SVOPL: variants seen among roughly 807,000 people sequenced by gnomAD.
SVOPL encodes SVOP like.
SVOPL carries 60 observed loss-of-function variants against 61.0 expected under a neutral mutation model. The ratio of observed to expected loss-of-function variants is 0.98; its 90% CI spans 0.80 to 1.22. SVOPL has a LOEUF of 1.22. SVOPL is among the 50% of genes most tolerant of loss of function. The probability of loss-of-function intolerance (pLI) is 0.00; values close to 1 mark genes in which losing one functional copy is unlikely to be tolerated. For synonymous variants in SVOPL, 279 were observed against 250.0 expected, an observed-to-expected ratio of 1.12 and a Z score of -1.09; for missense variants, 662 against 643.9, an observed-to-expected ratio of 1.03 and a Z score of -0.30.
chr7:138,644,499 T>C (rs1800993267), intron 9 of SVOPL, among the ~76,000 whole-genome samples: 1 of 152,202 alleles, frequency 6.6e-6, no homozygotes, highest in Non-Finnish European at 1.5e-5. Context: ...GTGTTATTAT[T>C]CCCATTTTAT....
chr7:138,690,092 C>G (rs1213371350), intron 1 of SVOPL, among the ~76,000 whole-genome samples: 1 of 152,098 alleles, frequency 6.6e-6, no homozygotes, highest in Non-Finnish European at 1.5e-5. Flanking sequence ...TCCCTCCCAG[C>G]CTCAGAAAGA....
chr7:138,634,825 C>T (rs1377955065), intron 9 of SVOPL, among the ~76,000 whole-genome samples: 3 of 151,350 alleles, frequency 2.0e-5, no homozygotes, highest in Admixed American at 2.0e-4. Context: ...AATAGCCAGG[C>T]ATGGTGGCAT....
intron 5 of SVOPL, chr7:138,662,467 C>G (rs1802042715): frequency 2.0e-6 from 2 of 985,322 alleles, no homozygotes; most frequent in South Asian, 9.4e-5. Context: ...TATGGACACT[C>G]ACTCATGACA....
In SVOPL at chr7:138,628,196, T is replaced by G. The variant is rs1376465639; in HGVS notation, c.1031A>C (p.Tyr344Ser). The G allele has an allele frequency of 1.2e-6, 2 of 1,614,164 alleles. No individual in the cohort carries two copies. Among genetic ancestry groups the G allele is most frequent in the East Asian group, 4.5e-5 (2 of 44,880 alleles). The change falls in exon 11 of 16, where the codon TAT becomes TCT. Residue 344 changes from tyrosine to serine, a missense_variant. Coordinates refer to ENST00000674285, the MANE Select transcript of SVOPL (RefSeq NM_001139456.2). The part of the protein sequence containing the change: ...CYCHMFAPSD[Y>S]RTMIISTIGE... ...GATGGTGCTGATGATCATGGTCCGA[T>G]AGTCAGAGGGTGCAAACATGTGGCA...
At position 138,628,163 on chromosome 7, in the gene SVOPL, A is replaced by G. The variant is rs760681001; in HGVS notation, c.1064T>C (p.Ile355Thr). Residue 355 changes from isoleucine to threonine, a missense_variant, in exon 11 of 16, where the codon ATT (isoleucine) becomes ACT (threonine). By Grantham distance (89) the Ile-to-Thr change is moderately conservative (BLOSUM62 -1). Coordinates refer to ENST00000674285, the MANE Select transcript of SVOPL (RefSeq NM_001139456.2). ...ACACGCAGAGGGACACTTACAAGCA[A>G]TTTCACCGATGGTGCTGATGATCAT... ...RTMIISTIGE[I>T]ALNPLNILGI... 1 of 1,614,130 alleles carries G rather than the reference A, an allele frequency of 6.2e-7. No individual in the cohort carries two copies. Among genetic ancestry groups the G allele is most frequent in the Non-Finnish European group, 8.5e-7 (1 of 1,180,012 alleles).
At position 138,663,640 on chromosome 7, in the gene SVOPL, G is replaced by A. The variant is rs534101661; in HGVS notation, c.274-495C>T. Reference sequence around the variant, plus strand: ...ATACACCTACTTCTTTTCCTTACTCGTTCTCACAATGGCCTGTCCTCCCCT... The same window carrying A: ...ATACACCTACTTCTTTTCCTTACTCATTCTCACAATGGCCTGTCCTCCCCT... On this transcript the variant is annotated intron_variant, in intron 4 of 15. Coordinates refer to ENST00000674285, the MANE Select transcript of SVOPL (RefSeq NM_001139456.2). 5.1e-6 allele frequency: 5 copies of A among 973,360 alleles called. No individual in the cohort carries two copies. The African/African-American group carries it at 7.0e-5, about 14-fold the overall frequency. The allele number at this position is 973,360 out of a possible 1,614,324, so 60.3% of individuals were successfully genotyped here.
intron 5 of SVOPL, chr7:138,661,639 A>G: frequency 1.0e-6 from 1 of 976,804 alleles, no homozygotes; most frequent in Non-Finnish European, 1.2e-6. Flanking sequence ...ATTTTGTGAC[A>G]CCAAGAAAGA....
intron 1 of SVOPL, among the ~76,000 whole-genome samples, chr7:138,697,438 C>CA (rs573800641): frequency 6.6e-6 from 1 of 151,350 alleles, no homozygotes; most frequent in Non-Finnish European, 1.5e-5. Context: ...CTGGTCTCTA[C>CA]AAAAAAAGTT....
intron 14 of SVOPL, among the ~76,000 whole-genome samples, chr7:138,618,531 G>A (rs988423256): frequency 1.3e-5 from 2 of 152,078 alleles, no homozygotes; most frequent in Non-Finnish European, 2.9e-5. Flanking sequence ...AGCGGTGGTG[G>A]GTGCCTGTAA....
chr7:138,688,792 C>A (rs1475993725), intron 1 of SVOPL, among the ~76,000 whole-genome samples: 2 of 152,064 alleles, frequency 1.3e-5, no homozygotes, highest in East Asian at 3.9e-4. Flanking sequence ...CTAGGTATAA[C>A]CTCAGGAGAA....
At chr7:138,695,441 G>C (rs975514423) in intron 1 of SVOPL, among the ~76,000 whole-genome samples, 1 of 152,182 alleles carries the variant, frequency 6.6e-6, no homozygotes, top group Non-Finnish European at 1.5e-5. Flanking sequence ...GAGCCTGGGA[G>C]GTTGAAGCTG....
chr7:138,646,788 G>T (rs4732324), intron 8 of SVOPL, among the ~76,000 whole-genome samples: 26,090 of 152,072 alleles, frequency 0.17, 3,709 homozygotes, highest in African/African-American at 0.37. Flanking sequence ...TAAAGTGCTG[G>T]GATTACAAAC....
chr7:138,673,455 G>C (rs932434542), intron 3 of SVOPL, among the ~76,000 whole-genome samples: 3 of 152,066 alleles, frequency 2.0e-5, no homozygotes, highest in Admixed American at 1.3e-4. Context: ...CCAGGAGTTC[G>C]AGACCAGCCT....
rs1798322107 is a variant in SVOPL at position 138,597,328 on chromosome 7, G to T, written c.1354-798C>A. The T allele has an allele frequency of 5.4e-6, 5 of 917,908 alleles. No homozygotes were observed. The South Asian group carries it at 7.9e-5, about 15-fold the overall frequency. 56.9% of individuals were successfully genotyped at this position (917,908 alleles called of 1,614,324 possible). A position where few individuals can be genotyped will look rare whatever the true frequency, so the allele number is the denominator to read the frequency against. ...CTGAATACAATTTCTTCCCTTTACA[G>T]ATGAGCCTAGACTAAGTGACTAGTC... On this transcript the variant is annotated intron_variant, in intron 14 of 15. Coordinates refer to ENST00000674285, the MANE Select transcript of SVOPL (RefSeq NM_001139456.2).
intron 9 of SVOPL, among the ~76,000 whole-genome samples, chr7:138,635,395 C>CT (rs777908534): frequency 4.1e-3 from 575 of 140,254 alleles, no homozygotes; most frequent in African/African-American, 8.5e-3. Context: ...CTTTATTTTA[C>CT]TTTTTTTTTT....
chr7:138,689,266 A>G (rs1186548885), intron 1 of SVOPL: 30 of 1,578,096 alleles, frequency 1.9e-5, no homozygotes, highest in African/African-American at 2.7e-5. Flanking sequence ...CACATGGTTA[A>G]AAATGCAGAG....
rs560666372 is a variant in SVOPL, at chr7:138,623,265, T to A, written c.1264-2130A>T. Among the ~76,000 whole-genome samples the A allele has an allele frequency of 7.9e-5, 12 of 152,274 alleles. No individual in the cohort carries two copies. The South Asian group carries it at 2.5e-3, about 32-fold the overall frequency. ...TCTGGAAGATGGAATAACAGAAAAC[T>A]ATCATTTTTAGTTACACACCTCTTT... is the stretch of plus-strand genomic sequence containing the variant. On this transcript the variant is annotated intron_variant, in intron 13 of 15. Transcript: ENST00000674285.
intron 14 of SVOPL, among the ~76,000 whole-genome samples, chr7:138,603,346 G>A (rs1798610196): frequency 6.6e-6 from 1 of 152,196 alleles, no homozygotes; most frequent in Non-Finnish European, 1.5e-5. Flanking sequence ...ACTGATCAAT[G>A]TATAACCTGC....
intron 14 of SVOPL, among the ~76,000 whole-genome samples, chr7:138,602,001 G>C (rs1417669340): frequency 6.6e-6 from 1 of 152,180 alleles, no homozygotes; most frequent in African/African-American, 2.4e-5. Flanking sequence ...CTATTTTAAA[G>C]TGTGTGGAAC....
Sources: gnomAD v4.1 joint callset for allele counts (sites outside exome capture counted in the v4.1 genomes callset) on GRCh38, gnomAD v4.1.1 for gene constraint, MANE v1.5 for transcripts, NCBI Gene and HGNC (gene_info 2026-07-23, HGNC 2026-07-21) for gene names.